The following CLDN14 variants were observed in gnomAD, a reference collection of about 807,000 sequenced individuals.
CLDN14 encodes claudin-14.
A neutral mutation model predicts 2.1 loss-of-function variants in CLDN14; 2 were observed. That is an observed-to-expected ratio of 0.96 (90% CI 0.39 to 3.01). The LOEUF is 3.01. CLDN14 is among the 30% of genes most tolerant of loss of function. The probability of loss-of-function intolerance (pLI) is 0.09; values close to 1 mark genes in which losing one functional copy is unlikely to be tolerated. For synonymous variants in CLDN14, 136 were observed against 154.4 expected, an observed-to-expected ratio of 0.88 and a Z score of 0.88; for missense variants, 298 against 328.0, an observed-to-expected ratio of 0.91 and a Z score of 0.71.
chr21:36,503,814 A>G (rs2087108491), intron 2 of CLDN14, among the ~76,000 whole-genome samples: 1 of 152,122 alleles, frequency 6.6e-6, no homozygotes, highest in Non-Finnish European at 1.5e-5. Flanking sequence ...CAACTAAAAT[A>G]TATGCAATGA....
At position 36,498,962 on chromosome 21, in the gene CLDN14, G is replaced by T. The variant is rs1254778970; in HGVS notation, c.-82+11401C>A. 1.3e-5 allele frequency among the ~76,000 whole-genome samples: 2 copies of T among 152,208 alleles called. No individual in the cohort carries two copies. Among genetic ancestry groups the T allele is most frequent in the Non-Finnish European group, 2.9e-5 (2 of 68,040 alleles). Reference sequence around the variant, plus strand: ...TTTTGTAATTCAGCCACCCAGATGGGAGTGTCCTCTTGCACTCCATCCATC... The same window carrying T: ...TTTTGTAATTCAGCCACCCAGATGGTAGTGTCCTCTTGCACTCCATCCATC... On this transcript the variant is annotated intron_variant, in intron 2 of 2. Coordinates refer to the CLDN14 transcript ENST00000342108. This position sits in a 1 kb window ranked among gnomAD's most constrained non-coding sequence, Gnocchi z 4.9.
chr21:36,472,493 A>G (rs540860140), intron 1 of CLDN14, among the ~76,000 whole-genome samples: 38 of 152,292 alleles, frequency 2.5e-4, no homozygotes, highest in African/African-American at 7.7e-4. Flanking sequence ...ATTGAACACT[A>G]TTCTTCATGT....
chr21:36,565,152 C>T (rs1285685907), intron 1 of CLDN14, among the ~76,000 whole-genome samples: 1 of 152,192 alleles, frequency 6.6e-6, no homozygotes, highest in African/African-American at 2.4e-5. Flanking sequence ...TACACAAGCA[C>T]AAATTTTGCT....
intron 1 of CLDN14, among the ~76,000 whole-genome samples, chr21:36,572,055 A>G (rs1230462606): frequency 6.6e-6 from 1 of 152,176 alleles, no homozygotes; most frequent in Non-Finnish European, 1.5e-5. Context: ...GTCTCACTGA[A>G]ACACAACAGG....
intron 1 of CLDN14, among the ~76,000 whole-genome samples, chr21:36,548,581 C>T (rs2087540589): frequency 6.6e-6 from 1 of 152,200 alleles, no homozygotes; most frequent in African/African-American, 2.4e-5. Flanking sequence ...ACGGCTTCTC[C>T]AGGGTGGAGA....
At chr21:36,504,282 G>T (rs947432340) in intron 2 of CLDN14, among the ~76,000 whole-genome samples, 1 of 151,946 alleles carries the variant, frequency 6.6e-6, no homozygotes, top group Non-Finnish European at 1.5e-5. Context: ...TGAGGCTGAA[G>T]AGAGTTATGA....
intron 2 of CLDN14, among the ~76,000 whole-genome samples, chr21:36,507,877 A>G (rs1167766826): frequency 5.9e-5 from 9 of 152,238 alleles, no homozygotes; most frequent in Admixed American, 5.9e-4. Context: ...TTTCCTGTTT[A>G]ATTCCACCCT....
Position 36,551,330 on chromosome 21 carries a change from G to T in CLDN14, c.-220+25081C>A, listed in dbSNP as rs1296808711. Among the ~76,000 whole-genome samples, 1 of 152,224 alleles carries T rather than the reference G, an allele frequency of 6.6e-6. No homozygotes were observed. The highest frequency in any genetic ancestry group is 1.5e-5 in the Non-Finnish European group (1 of 68,042). ...CCGAGCAGATGCACTGTTCCCTGCG[G>T]ACAGGATTTATTCCTGGAGCCTCTG... On this transcript the variant is annotated intron_variant, in intron 1 of 2. Coordinates refer to the CLDN14 transcript ENST00000342108. This position sits in a 1 kb window ranked among gnomAD's most constrained non-coding sequence, Gnocchi z 4.8.
intron 2 of CLDN14, chr21:36,487,345 G>T: frequency 4.5e-6 from 1 of 221,972 alleles, no homozygotes; most frequent in South Asian, 6.2e-5. Flanking sequence ...AGCTGGGTGG[G>T]GAAGAAGTCC....
chr21:36,540,209 G>T (rs2087476679), intron 1 of CLDN14, among the ~76,000 whole-genome samples: 1 of 151,988 alleles, frequency 6.6e-6, no homozygotes. Flanking sequence ...ATCCTTGGCT[G>T]TTCAAGTCCC....
At chr21:36,550,703 A>G (rs2087557605) in intron 1 of CLDN14, among the ~76,000 whole-genome samples, 1 of 152,132 alleles carries the variant, frequency 6.6e-6, no homozygotes, top group Non-Finnish European at 1.5e-5. Context: ...ACCTGTCAAG[A>G]GGTCCCTGCT....
At chr21:36,462,477 C>T (rs78250838) in intron 1 of CLDN14, among the ~76,000 whole-genome samples, 5,817 of 152,168 alleles carry the variant, frequency 0.038, 166 homozygotes, top group Middle Eastern at 0.12. Context: ...GAGGGCTGTC[C>T]GAGGGTGACT....
chr21:36,466,668 C>T (rs1357870097), intron 1 of CLDN14, among the ~76,000 whole-genome samples: 1 of 152,154 alleles, frequency 6.6e-6, no homozygotes, highest in Non-Finnish European at 1.5e-5. Flanking sequence ...TATCATTCTG[C>T]CCTGGCCCCT....
intron 1 of CLDN14, among the ~76,000 whole-genome samples, chr21:36,515,937 C>T (rs991453082): frequency 1.3e-5 from 2 of 151,748 alleles, no homozygotes; most frequent in African/African-American, 4.8e-5. Flanking sequence ...CAGGTGTGCA[C>T]CACCATGCCA....
At chr21:36,487,271 C>G in intron 2 of CLDN14, 1 of 215,730 alleles carries the variant, frequency 4.6e-6, no homozygotes. Flanking sequence ...GCGTGAACCA[C>G]TGCGCCCGGC....
intron 2 of CLDN14, among the ~76,000 whole-genome samples, chr21:36,508,115 C>T (rs559063422): frequency 6.6e-6 from 1 of 152,072 alleles, no homozygotes; most frequent in South Asian, 2.1e-4. Context: ...TGCTCTTGGC[C>T]GAAGAGTATT....
At chr21:36,535,312 C>T (rs2087415436) in intron 1 of CLDN14, among the ~76,000 whole-genome samples, 1 of 152,146 alleles carries the variant, frequency 6.6e-6, no homozygotes, top group Non-Finnish European at 1.5e-5. Flanking sequence ...ATCACTTGAA[C>T]CTGGGAGGTG....
At chr21:36,486,418 G>T in intron 2 of CLDN14, 2 of 1,284,696 alleles carry the variant, frequency 1.6e-6, no homozygotes, top group Non-Finnish European at 2.3e-6. Context: ...TCCTGCCGCT[G>T]CTGCTGCTCC....
chr21:36,501,332 CTTTTTTTTTTTTTTTTTTTTTTTTT>C (rs58458004), intron 2 of CLDN14, among the ~76,000 whole-genome samples: 4 of 48,390 alleles, frequency 8.3e-5, no homozygotes, highest in Non-Finnish European at 1.3e-4. Context: ...CAATATCTCA[CTTTTTTTTTTTTTTTTTTTTTTTTT>C]TTTTTTTTTT....
Sources: gnomAD v4.1 joint callset for allele counts (sites outside exome capture counted in the v4.1 genomes callset) on GRCh38, gnomAD v4.1.1 for gene constraint, Gnocchi (gnomAD v3.1) non-coding constraint, MANE v1.5 for transcripts, NCBI Gene and HGNC (gene_info 2026-07-23, HGNC 2026-07-21) for gene names.